SRPK2: variants seen among roughly 807,000 people sequenced by gnomAD.
The protein encoded by SRPK2 is SFRS protein kinase 2.
In SRPK2, 21 loss-of-function variants were observed where a neutral mutation model predicts 90.8. That is an observed-to-expected ratio of 0.23 (90% CI 0.16 to 0.33). SRPK2 has a LOEUF of 0.33. SRPK2 is among the 10% of genes least tolerant of loss of function. SRPK2 has a pLI of 1.00. For synonymous variants in SRPK2, 288 were observed against 311.1 expected, an observed-to-expected ratio of 0.93 and a Z score of 0.78; for missense variants, 620 against 869.0, an observed-to-expected ratio of 0.71 and a Z score of 3.60.
At chr7:105,310,720 C>T (rs773236885) in intron 2 of SRPK2, among the ~76,000 whole-genome samples, 1 of 152,158 alleles carries the variant, frequency 6.6e-6, no homozygotes, top group Admixed American at 6.5e-5. Context: ...CATAATCCTA[C>T]ACTACTGCTA....
intron 2 of SRPK2, among the ~76,000 whole-genome samples, chr7:105,354,395 G>A (rs1402596579): frequency 6.6e-6 from 1 of 152,120 alleles, no homozygotes; most frequent in Non-Finnish European, 1.5e-5. Flanking sequence ...TCCTGCACAG[G>A]CTGTGGGTCC....
chr7:105,231,986 T>TA (rs1039917439), intron 2 of SRPK2, among the ~76,000 whole-genome samples: 1 of 152,164 alleles, frequency 6.6e-6, no homozygotes, highest in African/African-American at 2.4e-5. Flanking sequence ...GCCTCTTGAG[T>TA]AGCTGGAACC....
At chr7:105,312,446 A>AAAAAAC (rs1176450448) in intron 2 of SRPK2, among the ~76,000 whole-genome samples, 3 of 151,590 alleles carry the variant, frequency 2.0e-5, no homozygotes, top group African/African-American at 4.8e-5. Flanking sequence ...TCAAAAAAAA[A>AAAAAAC]AAAAAAAACA....
chr7:105,128,197 C>T (rs780345673), intron 13 of SRPK2, among the ~76,000 whole-genome samples: 28 of 152,176 alleles, frequency 1.8e-4, no homozygotes, highest in Non-Finnish European at 2.8e-4. Context: ...CTGTCAATCA[C>T]TTGAAGGAAG....
At chr7:105,356,966 T>G (rs954419637) in intron 2 of SRPK2, among the ~76,000 whole-genome samples, 8 of 152,276 alleles carry the variant, frequency 5.3e-5, no homozygotes, top group African/African-American at 1.9e-4. Context: ...CTTTATCAGC[T>G]AAAGCTCCCA....
chr7:105,181,892 AAAAACAGAAAAC>A (rs1178141007), intron 3 of SRPK2, among the ~76,000 whole-genome samples: 2 of 146,182 alleles, frequency 1.4e-5, no homozygotes, highest in Non-Finnish European at 3.0e-5. Context: ...AAAAAAAAAA[AAAAACAGAAAAC>A]ACACACACAA....
At chr7:105,224,477 T>C (rs1798477689) in intron 2 of SRPK2, among the ~76,000 whole-genome samples, 1 of 152,024 alleles carries the variant, frequency 6.6e-6, no homozygotes, top group Non-Finnish European at 1.5e-5. Context: ...GGAATGGTGG[T>C]GCACGCCAGT....
rs1491541543 is a variant in SRPK2 at position 105,248,435 on chromosome 7, TTA to T, written c.72-44652_72-44651del. On this transcript the variant is annotated intron_variant, in intron 2 of 15. Coordinates refer to ENST00000393651, the MANE Select transcript of SRPK2 (RefSeq NM_182692.3). ...GCGAGATGCCATCTTTACAAAAAAT[TTA>T]AAAAAAAAAAAAAAAAAAAAGTCAG... 3.3e-4 allele frequency among the ~76,000 whole-genome samples: 36 copies of T among 109,662 alleles called. 1 individual carries two copies. Among genetic ancestry groups the T allele is most frequent in the African/African-American group, 7.1e-4 (21 of 29,532 alleles). 71.9% of individuals were successfully genotyped at this position (109,662 alleles called of 152,430 possible).
In SRPK2 at chr7:105,143,081, G is replaced by T; in HGVS notation, c.1060+3C>A. The T allele has an allele frequency of 6.2e-7, 1 of 1,612,194 alleles. No individual in the cohort carries two copies. The highest frequency in any genetic ancestry group is 1.1e-5 in the South Asian group (1 of 90,960). On this transcript the variant is annotated splice_donor_region_variant and intron_variant, in intron 10 of 15. Transcript: ENST00000393651. ...TGCAGCCCAGGTTCCAGGCCCCACT[G>T]ACCATTGTCCTTTGCAGTCTCTGCC...
At chr7:105,195,110 C>T (rs1431955659) in intron 3 of SRPK2, among the ~76,000 whole-genome samples, 2 of 152,274 alleles carry the variant, frequency 1.3e-5, no homozygotes, top group East Asian at 1.9e-4. Context: ...AGTGCAGTGG[C>T]GCAATCTCAA....
At chr7:105,137,039 T>C (rs1802938451) in intron 11 of SRPK2, among the ~76,000 whole-genome samples, 1 of 152,154 alleles carries the variant, frequency 6.6e-6, no homozygotes, top group South Asian at 2.1e-4. Flanking sequence ...AGGAGATGGA[T>C]AATGCCAAGG....
At chr7:105,344,038 A>G (rs1382408980) in intron 2 of SRPK2, among the ~76,000 whole-genome samples, 6 of 152,208 alleles carry the variant, frequency 3.9e-5, no homozygotes, top group South Asian at 2.1e-4. Flanking sequence ...TGCTGGGATT[A>G]TAGGTGCGAG....
chr7:105,339,117 G>A (rs1242005737), intron 2 of SRPK2, among the ~76,000 whole-genome samples: 2 of 152,044 alleles, frequency 1.3e-5, no homozygotes, highest in African/African-American at 2.4e-5. Context: ...TCAAGTACGC[G>A]CCTTTGATCC....
chr7:105,116,888 C>T lies in SRPK2; in HGVS notation c.*950G>A, dbSNP rs1799682446. The T allele has an allele frequency of 6.6e-6, 1 of 152,176 alleles. No individual in the cohort carries two copies. The highest frequency in any genetic ancestry group is 2.1e-4 in the South Asian group (1 of 4,828). 9.4% of individuals were successfully genotyped at this position (152,176 alleles called of 1,614,324 possible). A position where few individuals can be genotyped will look rare whatever the true frequency, so the allele number is the denominator to read the frequency against. On this transcript the variant is annotated 3_prime_UTR_variant, in exon 16 of 16. Transcript: ENST00000393651. ...TACCATACCTTGTGTTCTAGACAAG[C>T]ATGATCATGCTTTTCCAAAAATATA...
At chr7:105,349,770 C>T (rs1204933782) in intron 2 of SRPK2, among the ~76,000 whole-genome samples, 1 of 151,766 alleles carries the variant, frequency 6.6e-6, no homozygotes, top group Non-Finnish European at 1.5e-5. Context: ...GCTGGAGTCT[C>T]GCTCTGTCGC....
Position 105,298,835 on chromosome 7 carries a change from G to A in SRPK2, c.71+89813C>T, listed in dbSNP as rs1048225848. On this transcript the variant is annotated intron_variant, in intron 2 of 15. Transcript: ENST00000393651. ...CACGCAGCCCTGCATCACAATGCCA[G>A]CAAGAGAACCTGTGACAGCAGTCTT... 8.1e-5 allele frequency: 79 copies of A among 976,092 alleles called. No individual in the cohort carries two copies. The African/African-American group carries it at 1.3e-3, about 16-fold the overall frequency. The allele number at this position is 976,092 out of a possible 1,614,324, so 60.5% of individuals were successfully genotyped here. A position where few individuals can be genotyped will look rare whatever the true frequency, so the allele number is the denominator to read the frequency against.
intron 2 of SRPK2, among the ~76,000 whole-genome samples, chr7:105,218,564 G>C (rs1050521017): frequency 2.3e-4 from 35 of 152,178 alleles, no homozygotes; most frequent in Non-Finnish European, 2.8e-4. Flanking sequence ...AAGAAAGGCA[G>C]ATAGAAATAA....
At chr7:105,211,656 C>A (rs192144111) in intron 2 of SRPK2, among the ~76,000 whole-genome samples, 7 of 152,194 alleles carry the variant, frequency 4.6e-5, no homozygotes, top group African/African-American at 1.7e-4. Flanking sequence ...GAAATCTACC[C>A]CCATGATCCA....
chr7:105,291,575 A>G (rs527663272), intron 2 of SRPK2, among the ~76,000 whole-genome samples: 2 of 152,174 alleles, frequency 1.3e-5, no homozygotes, highest in South Asian at 4.1e-4. Flanking sequence ...CTAAAAACAC[A>G]AAAAATTAGC....
Sources: gnomAD v4.1 joint callset for allele counts (sites outside exome capture counted in the v4.1 genomes callset) on GRCh38, gnomAD v4.1.1 for gene constraint, MANE v1.5 for transcripts, NCBI Gene and HGNC (gene_info 2026-07-23, HGNC 2026-07-21) for gene names.